TTC27: variants seen among roughly 807,000 people sequenced by gnomAD.
TTC27 encodes the protein tetratricopeptide repeat protein 27.
Under a neutral mutation model 115.9 loss-of-function variants are expected in TTC27, and 79 were observed. The observed-to-expected ratio is 0.68, with a 90% confidence interval of 0.57 to 0.82. TTC27 has a LOEUF of 0.82. Ranked by LOEUF, TTC27 falls within the 40% of genes least tolerant of loss-of-function variation. TTC27 has a pLI of 0.00. For synonymous variants in TTC27, 401 were observed against 356.0 expected (o/e 1.13, Z -1.42); for missense variants, 1,054 against 993.1 (o/e 1.06, Z -0.82).
At chr2:32,666,497 G>T in intron 6 of TTC27, 138 bp from the exon 7 acceptor site, 1 of 816,178 alleles carries the variant, frequency 1.2e-6, no homozygotes, top group Non-Finnish European at 1.7e-6. Flanking sequence ...AAAACCTGAG[G>T]CTGGGCCTCA....
chr2:32,686,797 C>A (rs1666645192), intron 9 of TTC27, among the ~76,000 whole-genome samples: 1 of 152,064 alleles, frequency 6.6e-6, no homozygotes, highest in Non-Finnish European at 1.5e-5. Context: ...CTGGAGATGA[C>A]TTTTTTGCTT....
At chr2:32,709,964 T>A (rs1321179909) in intron 10 of TTC27, among the ~76,000 whole-genome samples, 5 of 152,208 alleles carry the variant, frequency 3.3e-5, no homozygotes, top group Non-Finnish European at 7.3e-5. Flanking sequence ...TTTTTTTACA[T>A]TATGGAAAAA....
chr2:32,724,793 T>G (rs1205055329), intron 10 of TTC27, among the ~76,000 whole-genome samples: 1 of 152,210 alleles, frequency 6.6e-6, no homozygotes, highest in East Asian at 1.9e-4. Flanking sequence ...AGGAAAATAA[T>G]TGACAATATT....
At chr2:32,733,706 C>T in intron 10 of TTC27, 122 bp from the exon 11 acceptor site, 1 of 534,706 alleles carries the variant, frequency 1.9e-6, no homozygotes, top group Non-Finnish European at 3.1e-6. Context: ...ATCCTATCAC[C>T]TTATCAAAAT....
At chr2:32,634,958 G>T (rs956057015) in intron 3 of TTC27, among the ~76,000 whole-genome samples, 1 of 152,052 alleles carries the variant, frequency 6.6e-6, no homozygotes, top group African/African-American at 2.4e-5. Flanking sequence ...TTCCCGGCTT[G>T]CAGGTAAGTT....
intron 12 of TTC27, among the ~76,000 whole-genome samples, chr2:32,740,103 A>C (rs999231995): frequency 1.7e-4 from 26 of 152,222 alleles, no homozygotes; most frequent in Non-Finnish European, 3.2e-4. Flanking sequence ...ACTGGTTCTC[A>C]TCTGTTAGCA....
intron 10 of TTC27, among the ~76,000 whole-genome samples, chr2:32,723,537 A>T (rs1220110637): frequency 6.6e-6 from 1 of 152,082 alleles, no homozygotes; most frequent in African/African-American, 2.4e-5. Flanking sequence ...CAGTGCTATG[A>T]TTTAACGGGA....
At chr2:32,715,860 ATGTT>A (rs1371238674) in intron 10 of TTC27, among the ~76,000 whole-genome samples, 28 of 150,760 alleles carry the variant, frequency 1.9e-4, no homozygotes, top group African/African-American at 6.3e-4. Flanking sequence ...GAGGTCCTTT[ATGTT>A]TGTTTTTTTT....
At chr2:32,735,129 C>T (rs567350318) in intron 11 of TTC27, among the ~76,000 whole-genome samples, 149 of 152,262 alleles carry the variant, frequency 9.8e-4, no homozygotes, top group African/African-American at 3.4e-3. Context: ...TATAAGACTT[C>T]TTAAAGTAGG....
chr2:32,663,945 G>A (rs747717838), intron 5 of TTC27, among the ~76,000 whole-genome samples: 1 of 151,834 alleles, frequency 6.6e-6, no homozygotes, highest in Non-Finnish European at 1.5e-5. Context: ...GGCCTCGCAA[G>A]GTACAGGGAT....
At chr2:32,765,218 T>A (rs1318423969) in intron 13 of TTC27, among the ~76,000 whole-genome samples, 1 of 152,216 alleles carries the variant, frequency 6.6e-6, no homozygotes, top group Non-Finnish European at 1.5e-5. Flanking sequence ...CTTGAAAGTC[T>A]AGATTACTCC....
At chr2:32,737,602 G>C (rs1050974855) in intron 12 of TTC27, among the ~76,000 whole-genome samples, 1 of 152,128 alleles carries the variant, frequency 6.6e-6, no homozygotes, top group African/African-American at 2.4e-5. Flanking sequence ...GTCTATTTTA[G>C]ATTAATAGTG....
In TTC27 at chr2:32,640,364, C is replaced by T; in HGVS notation, c.491C>T (p.Ala164Val). The T allele has an allele frequency of 6.2e-7, 1 of 1,613,946 alleles. No homozygotes were observed. The highest frequency in any genetic ancestry group is 1.6e-4 in the Middle Eastern group (1 of 6,062). ...LTSKPILLLL[A>V]RIILVNVRHK... Reference sequence around the variant, plus strand: ...TCGAAGCCTATACTACTGTTATTAGCACGCATTATCCTAGTGAATGTAAGA... The same window carrying T: ...TCGAAGCCTATACTACTGTTATTAGTACGCATTATCCTAGTGAATGTAAGA... The change falls in exon 4 of 20, where the codon GCA becomes GTA. Residue 164 changes from alanine (A) to valine (V), a missense_variant. Coordinates refer to ENST00000317907, the MANE Select transcript of TTC27 (RefSeq NM_017735.5).
At chr2:32,743,112 TA>T (rs1315376397) in intron 12 of TTC27, among the ~76,000 whole-genome samples, 1 of 152,184 alleles carries the variant, frequency 6.6e-6, no homozygotes, top group African/African-American at 2.4e-5. Flanking sequence ...CTTCATTTTT[TA>T]CGTGGAGGGC....
In TTC27 at chr2:32,658,017, C is replaced by T. The variant is rs112906864; in HGVS notation, c.641-6286C>T. 6.9e-3 allele frequency among the ~76,000 whole-genome samples: 1,051 copies of T among 152,286 alleles called. 11 individuals are homozygous for T. Among genetic ancestry groups the T allele is most frequent in the Admixed American group, 0.015 (229 of 15,294 alleles). On this transcript the variant is annotated intron_variant, in intron 5 of 19. Transcript: ENST00000317907. ...GCTAATTTTGTATTTTTGGTAGAGA[C>T]AGGGTTTCACCATGTTGGCCAGACT...
chr2:32,661,678 G>A (rs921956551), intron 5 of TTC27, among the ~76,000 whole-genome samples: 10 of 152,178 alleles, frequency 6.6e-5, no homozygotes, highest in Non-Finnish European at 1.5e-5. Flanking sequence ...CTGAGACGAT[G>A]GGGTTTTCTA....
At chr2:32,642,211 G>A (rs1559183300) in intron 4 of TTC27, among the ~76,000 whole-genome samples, 1 of 150,728 alleles carries the variant, frequency 6.6e-6, no homozygotes, top group Non-Finnish European at 1.5e-5. Flanking sequence ...GCTGTGTAAG[G>A]GCTTACTTTC....
intron 13 of TTC27, chr2:32,766,331 T>C (rs1669624498): frequency 4.9e-6 from 1 of 203,780 alleles, no homozygotes; most frequent in Non-Finnish European, 1.0e-5. Context: ...CGCTTCTAGT[T>C]CTTCTGTGAT....
At chr2:32,749,998 G>A (rs1668955583) in intron 12 of TTC27, among the ~76,000 whole-genome samples, 1 of 152,206 alleles carries the variant, frequency 6.6e-6, no homozygotes, top group Non-Finnish European at 1.5e-5. Context: ...TACTAAAGGA[G>A]TTGAATCTTA....
Sources: allele counts gnomAD v4.1 joint callset (sites outside exome capture counted in the v4.1 genomes callset), GRCh38; gene constraint gnomAD v4.1.1; transcripts MANE v1.5; gene names NCBI Gene and HGNC (gene_info 2026-07-23, HGNC 2026-07-21).